C16orf78: variants seen among roughly 807,000 people sequenced by gnomAD.
C16orf78 encodes the protein chromosome 16 open reading frame 78.
C16orf78 carries 19 observed loss-of-function variants against 27.3 expected under a neutral mutation model. The ratio of observed to expected loss-of-function variants is 0.70; its 90% CI spans 0.49 to 1.02. C16orf78 has a LOEUF of 1.02. Ranked by LOEUF, C16orf78 falls within the 50% of genes least tolerant of loss-of-function variation. The pLI, the probability that C16orf78 is intolerant of heterozygous loss-of-function variation, is 0.00. For synonymous variants in C16orf78, 130 were observed against 116.1 expected, an observed-to-expected ratio of 1.12 and a Z score of -0.77; for missense variants, 339 against 337.0, an observed-to-expected ratio of 1.01 and a Z score of -0.05.
At chr16:49,385,578 C>T (rs2151613193) in intron 3 of C16orf78, among the ~76,000 whole-genome samples, 1 of 151,378 alleles carries the variant, frequency 6.6e-6, no homozygotes, top group South Asian at 2.1e-4. Flanking sequence ...TTACTTGAAC[C>T]TGGGAGGCAG....
intron 3 of C16orf78, among the ~76,000 whole-genome samples, chr16:49,393,115 A>T (rs1965432068): frequency 6.6e-6 from 1 of 152,186 alleles, no homozygotes; most frequent in South Asian, 2.1e-4. Flanking sequence ...TAAATTACCC[A>T]GTCTCGGGTA....
At chr16:49,397,608 T>G (rs775253322) in intron 4 of C16orf78, among the ~76,000 whole-genome samples, 3 of 152,254 alleles carry the variant, frequency 2.0e-5, no homozygotes, top group Non-Finnish European at 2.9e-5. Context: ...GTGGTTCTAA[T>G]TGACTCTGGG....
chr16:49,378,108 C>T (rs1361722989), intron 2 of C16orf78, among the ~76,000 whole-genome samples: 1 of 152,178 alleles, frequency 6.6e-6, no homozygotes. Flanking sequence ...TCCCTGAAAC[C>T]ATTCAAGAAG....
At chr16:49,378,006 C>G (rs966084914) in intron 2 of C16orf78, among the ~76,000 whole-genome samples, 156 bp downstream of exon 2, 2 of 152,104 alleles carry the variant, frequency 1.3e-5, no homozygotes, top group Non-Finnish European at 2.9e-5. Context: ...AAATCTCCAC[C>G]CCTCCCTACC....
intron 4 of C16orf78, among the ~76,000 whole-genome samples, chr16:49,397,996 T>C (rs1343587564): frequency 2.6e-5 from 4 of 152,154 alleles, no homozygotes; most frequent in Non-Finnish European, 5.9e-5. Context: ...GAACTCCTAT[T>C]CTCAGGTGGT....
chr16:49,375,674 C>A (rs1055325073), intron 1 of C16orf78, among the ~76,000 whole-genome samples: 2 of 152,178 alleles, frequency 1.3e-5, no homozygotes, highest in African/African-American at 2.4e-5. Flanking sequence ...AGATCCAAAC[C>A]ATACCACTTA....
intron 1 of C16orf78, among the ~76,000 whole-genome samples, chr16:49,376,135 G>A (rs939117189): frequency 2.0e-5 from 3 of 152,162 alleles, no homozygotes; most frequent in Non-Finnish European, 4.4e-5. Context: ...GGACCCTCTG[G>A]TGAGATGGTT....
chr16:49,387,501 A>AT (rs1252276396), intron 3 of C16orf78, among the ~76,000 whole-genome samples: 2 of 151,910 alleles, frequency 1.3e-5, no homozygotes, highest in African/African-American at 4.8e-5. Flanking sequence ...CTGGCCTGAC[A>AT]TTTTCTTTTT....
chr16:49,385,487 C>T (rs569046998), intron 3 of C16orf78, among the ~76,000 whole-genome samples: 9 of 151,954 alleles, frequency 5.9e-5, no homozygotes, highest in African/African-American at 1.9e-4. Flanking sequence ...TATGGTGAAA[C>T]CTCGTCTCTA....
chr16:49,376,417 G>A (rs770948132), intron 1 of C16orf78, among the ~76,000 whole-genome samples: 9 of 152,232 alleles, frequency 5.9e-5, no homozygotes, highest in Non-Finnish European at 1.3e-4. Flanking sequence ...AGCTACTCAG[G>A]TGACTCTTTG....
intron 3 of C16orf78, among the ~76,000 whole-genome samples, chr16:49,395,631 T>C (rs1965461714): frequency 6.6e-6 from 1 of 152,224 alleles, no homozygotes; most frequent in Non-Finnish European, 1.5e-5. Context: ...ATCAGACACT[T>C]ACCATTACAT....
At chr16:49,389,470 C>A (rs1361734364) in intron 3 of C16orf78, among the ~76,000 whole-genome samples, 2 of 151,614 alleles carry the variant, frequency 1.3e-5, no homozygotes, top group Non-Finnish European at 2.9e-5. Flanking sequence ...GTGACACACA[C>A]CTGTAATCCC....
At chr16:49,386,123 AT>A (rs1425620510) in intron 3 of C16orf78, among the ~76,000 whole-genome samples, 7 of 152,230 alleles carry the variant, frequency 4.6e-5, no homozygotes, top group African/African-American at 1.7e-4. Flanking sequence ...GAAGCTTGTC[AT>A]ATAACAAGGG....
At chr16:49,378,312 C>T (rs539533523) in intron 2 of C16orf78, among the ~76,000 whole-genome samples, 158 bp from the exon 3 acceptor site, 2 of 152,322 alleles carry the variant, frequency 1.3e-5, no homozygotes, top group Admixed American at 6.5e-5. Context: ...GCAGACCCTG[C>T]CCCTCCGACC....
chr16:49,391,350 A>ATGCACAGGGCTAGAAGGCCATACCCCCTT (rs1366023611), intron 3 of C16orf78, among the ~76,000 whole-genome samples: 1 of 152,208 alleles, frequency 6.6e-6, no homozygotes, highest in Non-Finnish European at 1.5e-5. Context: ...TACATTCCTA[A>ATGCACAGGGCTAGAAGGCCATACCCCCTT]TGCACAGGGC....
chr16:49,382,364 A>C (rs995077612), intron 3 of C16orf78, among the ~76,000 whole-genome samples: 1 of 152,150 alleles, frequency 6.6e-6, no homozygotes, highest in East Asian at 1.9e-4. Flanking sequence ...TGTATACGTA[A>C]GTAACTAACC....
chr16:49,399,115 G>C lies in C16orf78; in HGVS notation c.651-16G>C. On this transcript the variant is annotated splice_polypyrimidine_tract_variant and intron_variant, in intron 4 of 4. Transcript: ENST00000299191. ...ACTCCACCTTCAACTGACCTCTTTT[G>C]CCTTCTCTTGAACAGATACCTGAGG... 6.2e-7 allele frequency: 1 copy of C among 1,612,200 alleles called. No individual in the cohort carries two copies. Among genetic ancestry groups the C allele is most frequent in the Non-Finnish European group, 8.5e-7 (1 of 1,179,046 alleles).
chr16:49,384,421 C>A (rs929229984), intron 3 of C16orf78, among the ~76,000 whole-genome samples: 2 of 147,594 alleles, frequency 1.4e-5, no homozygotes, highest in Non-Finnish European at 3.0e-5. Context: ...TTGAAAAACT[C>A]AATAGAGCAC....
chr16:49,392,458 A>C (rs140027255), intron 3 of C16orf78, among the ~76,000 whole-genome samples: 1 of 152,250 alleles, frequency 6.6e-6, no homozygotes, highest in East Asian at 1.9e-4. Context: ...AGTTTATGAC[A>C]AAAGGAAAAG....
Sources: allele counts gnomAD v4.1 joint callset (sites outside exome capture counted in the v4.1 genomes callset), GRCh38; gene constraint gnomAD v4.1.1; transcripts MANE v1.5; gene names NCBI Gene and HGNC (gene_info 2026-07-23, HGNC 2026-07-21).